SRCIN1: variants seen among roughly 807,000 people sequenced by gnomAD.
The protein encoded by SRCIN1 is SRC kinase signaling inhibitor 1.
Under a neutral mutation model 116.2 loss-of-function variants are expected in SRCIN1, and 50 were observed. The ratio of observed to expected loss-of-function variants is 0.43; its 90% CI spans 0.34 to 0.54. The LOEUF is 0.54. SRCIN1 is among the 20% of genes least tolerant of loss of function. SRCIN1 has a pLI of 0.02. For synonymous variants in SRCIN1, 736 were observed against 750.0 expected (o/e 0.98, Z 0.30); for missense variants, 1,446 against 1,672.0 (o/e 0.86, Z 2.36).
chr17:38,562,016 T>G lies in SRCIN1; in HGVS notation c.1147A>C (p.Lys383Gln). 1 of 1,493,896 alleles carries G rather than the reference T, an allele frequency of 6.7e-7. No homozygotes were observed. Among genetic ancestry groups the G allele is most frequent in the South Asian group, 1.3e-5 (1 of 79,630 alleles). 92.5% of individuals were successfully genotyped at this position (1,493,896 alleles called of 1,614,324 possible). ...DVKPDEDLAS[K>Q]AGGMVLVKGE... Reference sequence around the variant, plus strand: ...TTCACCAGCACCATGCCGCCCGCCTTGCTCGCCAGGTCCTCGTCCGGCTTC... The same window carrying G: ...TTCACCAGCACCATGCCGCCCGCCTGGCTCGCCAGGTCCTCGTCCGGCTTC... Residue 383 changes from lysine (K) to glutamine (Q), a missense_variant, in exon 7 of 19, where the codon AAG (lysine) becomes CAG (glutamine). Coordinates refer to ENST00000617146, the MANE Select transcript of SRCIN1 (RefSeq NM_025248.3). The surrounding 1 kb of genome is among the most constrained non-coding windows in gnomAD (Gnocchi z 4.2).
Position 38,551,778 on chromosome 17 carries a change from C to T in SRCIN1, c.2727+108G>A, listed in dbSNP as rs560596255. The T allele has an allele frequency of 4.4e-6, 7 of 1,584,830 alleles. No homozygotes were observed. In the African/African-American group the frequency reaches 6.7e-5, roughly 15 times the overall value. ...TCCATTAGGGCACTGGCCCTCCTCC[C>T]CCAAGGAAAAAGACCCACAGGATTG... is the stretch of plus-strand genomic sequence containing the variant. On this transcript the variant is annotated intron_variant, in intron 14 of 18. Transcript: ENST00000617146.
intron 15 of SRCIN1, 128 bp from the exon 16 acceptor site, chr17:38,549,338 C>A (rs543858032): frequency 1.4e-5 from 13 of 946,418 alleles, no homozygotes; most frequent in Non-Finnish European, 1.9e-5. Context: ...AGAGGAAAGC[C>A]TGGGGGCAAG....
chr17:38,536,536 G>A (rs1904392145), intron 18 of SRCIN1, among the ~76,000 whole-genome samples: 1 of 152,168 alleles, frequency 6.6e-6, no homozygotes, highest in Non-Finnish European at 1.5e-5. Flanking sequence ...ACCTGCTCTC[G>A]CCAGGTCCAT....
chr17:38,604,861 C>G lies in SRCIN1; in HGVS notation c.22+823G>C, dbSNP rs961343518. ...GCCGCCTGCCTTCCCTATCTTCTCA[C>G]TCACCCTAGATGCCCTCCCCAGCTG... On this transcript the variant is annotated intron_variant, in intron 1 of 18. Transcript: ENST00000617146. This position sits in a 1 kb window ranked among gnomAD's most constrained non-coding sequence, Gnocchi z 4.3. 7.3e-5 allele frequency among the ~76,000 whole-genome samples: 11 copies of G among 151,246 alleles called. No homozygotes were observed. Among genetic ancestry groups the G allele is most frequent in the African/African-American group, 2.7e-4 (11 of 41,186 alleles).
At chr17:38,584,737 G>A (rs1908023450) in intron 1 of SRCIN1, among the ~76,000 whole-genome samples, 1 of 152,122 alleles carries the variant, frequency 6.6e-6, no homozygotes, top group South Asian at 2.1e-4. Flanking sequence ...CCACCAAGCC[G>A]GTCCCCAACT....
intron 1 of SRCIN1, among the ~76,000 whole-genome samples, chr17:38,586,781 C>A (rs983919245): frequency 6.6e-6 from 1 of 152,230 alleles, no homozygotes; most frequent in Non-Finnish European, 1.5e-5. Flanking sequence ...AAACACAAAC[C>A]AATTTGTGCA....
chr17:38,589,293 G>A (rs1198081227), intron 1 of SRCIN1, among the ~76,000 whole-genome samples: 4 of 152,204 alleles, frequency 2.6e-5, no homozygotes, highest in African/African-American at 9.7e-5. Context: ...GCCCACCAGG[G>A]TGCCCCACTC....
chr17:38,568,224 T>C lies in SRCIN1; in HGVS notation c.332A>G (p.Tyr111Cys), dbSNP rs1906848002. 6.2e-7 allele frequency: 1 copy of C among 1,612,922 alleles called. No homozygotes were observed. The highest frequency in any genetic ancestry group is 8.5e-7 in the Non-Finnish European group (1 of 1,179,600). The change falls in exon 3 of 19, where the codon TAC (tyrosine) becomes TGC (cysteine). Residue 111 changes from tyrosine (Y) to cysteine (C), a missense_variant. Tyr to Cys is a radical substitution (Grantham distance 194, BLOSUM62 -2). Coordinates refer to ENST00000617146, the MANE Select transcript of SRCIN1 (RefSeq NM_025248.3). The surrounding 1 kb of genome is among the most constrained non-coding windows in gnomAD (Gnocchi z 4.5). ...TCACACACTGACCTTGAAACTCCAG[T>C]AGTTTGGCTGCTGATGGAAATAAGA... ...QQDRMREQPN[Y>C]WSFKTRSSRH...
intron 1 of SRCIN1, among the ~76,000 whole-genome samples, chr17:38,582,607 C>T (rs1024850845): frequency 6.6e-6 from 1 of 152,076 alleles, no homozygotes. Context: ...GAGCTAGATA[C>T]TAAGGGGTGG....
At chr17:38,548,182 C>G (rs1340323779) in intron 17 of SRCIN1, among the ~76,000 whole-genome samples, 1 of 151,966 alleles carries the variant, frequency 6.6e-6, no homozygotes, top group Non-Finnish European at 1.5e-5. Flanking sequence ...GCTCCGTCCT[C>G]AGAATACTCA....
chr17:38,591,926 C>T (rs1213161486), intron 1 of SRCIN1, among the ~76,000 whole-genome samples: 2 of 152,268 alleles, frequency 1.3e-5, no homozygotes, highest in Non-Finnish European at 2.9e-5. Context: ...GCCTGGAATT[C>T]TCTGGCTAGT....
At chr17:38,570,663 G>T (rs552610226) in intron 2 of SRCIN1, among the ~76,000 whole-genome samples, 1 of 152,372 alleles carries the variant, frequency 6.6e-6, no homozygotes, top group South Asian at 2.1e-4. Flanking sequence ...GTGGTCCTGG[G>T]AGGGAGATAA....
In SRCIN1 at chr17:38,561,662, G is replaced by A; in HGVS notation, c.1501C>T (p.Arg501Cys). Residue 501 changes from arginine (R) to cysteine (C), a missense_variant, in exon 7 of 19, where the codon CGC (arginine) becomes TGC (cysteine). Physicochemically the swap from Arg to Cys is radical, Grantham distance 180 (BLOSUM62 -3). Coordinates refer to ENST00000617146, the MANE Select transcript of SRCIN1 (RefSeq NM_025248.3). Reference protein sequence around the residue: ...PHSPYSGPPSRGSPVRQSFRK... With the variant: ...PHSPYSGPPSCGSPVRQSFRK... ...AAGGACTGGCGCACTGGCGAGCCGC[G>A]GCTGGGCGGCCCCGAGTAGGGGCTG... The A allele has an allele frequency of 1.3e-6, 2 of 1,558,326 alleles. No homozygotes were observed. The highest frequency in any genetic ancestry group is 1.7e-6 in the Non-Finnish European group (2 of 1,153,096).
Position 38,561,818 on chromosome 17 carries a change from C to T in SRCIN1, c.1345G>A (p.Asp449Asn). The change falls in exon 7 of 19, where the codon GAC (aspartate) becomes AAC (asparagine). Residue 449 changes from aspartate to asparagine, a missense_variant. Around this residue, in one of 5 missense-constraint regions of SRCIN1, gnomAD observed 398 missense variants for 385.6 expected, o/e 1.03. Transcript: ENST00000617146. Reference protein sequence around the residue: ...SAAALQSDLEDSLYKAAGGGG... With the variant: ...SAAALQSDLENSLYKAAGGGG... ...CCGCCCGCCGCCTTGTACAGGGAGTCCTCCAGATCGGACTGCAGCGCGGCG... is the reference window on the plus strand; with the variant it reads ...CCGCCCGCCGCCTTGTACAGGGAGTTCTCCAGATCGGACTGCAGCGCGGCG... The T allele has an allele frequency of 6.7e-7, 1 of 1,482,640 alleles. No homozygotes were observed. Among genetic ancestry groups the T allele is most frequent in the Non-Finnish European group, 8.9e-7 (1 of 1,125,230 alleles). The allele number at this position is 1,482,640 out of a possible 1,614,324, so 91.8% of individuals were successfully genotyped here.
At position 38,533,309 on chromosome 17, in the gene SRCIN1, G is replaced by T; in HGVS notation, c.3540C>A (p.Ser1180=). The part of the protein sequence containing the change: ...VLTSFGARNS[S]ISF ...GGGTGAGGGGCTTCTAGAAGGAGATGGAAGAATTCCTTGCCCCAAAGGAAG... is the reference window on the plus strand; with the variant it reads ...GGGTGAGGGGCTTCTAGAAGGAGATTGAAGAATTCCTTGCCCCAAAGGAAG... The change falls in exon 19 of 19, where the codon TCC becomes TCA. Residue 1180 remains serine, a synonymous_variant. Coordinates refer to ENST00000617146, the MANE Select transcript of SRCIN1 (RefSeq NM_025248.3). The T allele has an allele frequency of 6.4e-7, 1 of 1,566,198 alleles. No homozygotes were observed. Among genetic ancestry groups the T allele is most frequent in the Non-Finnish European group, 8.7e-7 (1 of 1,153,578 alleles).
At chr17:38,587,442 C>G (rs1167084487) in intron 1 of SRCIN1, among the ~76,000 whole-genome samples, 2 of 152,136 alleles carry the variant, frequency 1.3e-5, no homozygotes, top group Non-Finnish European at 2.9e-5. Flanking sequence ...CCCTCCTTAC[C>G]CGTCCTGTGT....
At chr17:38,538,964 T>A (rs1708021239) in intron 18 of SRCIN1, among the ~76,000 whole-genome samples, 1 of 152,194 alleles carries the variant, frequency 6.6e-6, no homozygotes, top group Non-Finnish European at 1.5e-5. Context: ...CAACAGGGTG[T>A]AAGACCCGGC....
chr17:38,582,554 C>T (rs539742129), intron 1 of SRCIN1, among the ~76,000 whole-genome samples: 1 of 152,322 alleles, frequency 6.6e-6, no homozygotes, highest in East Asian at 1.9e-4. Flanking sequence ...TCGCTCAGCC[C>T]TCAGGTGCTC....
chr17:38,559,525 GC>G (rs1460501303), intron 10 of SRCIN1, 59 bp downstream of exon 10: 2 of 1,544,716 alleles, frequency 1.3e-6, no homozygotes, highest in African/African-American at 2.7e-5. Flanking sequence ...GGGACTTGCG[GC>G]AAGGGACTTC....
Sources: gnomAD v4.1 joint callset for allele counts (sites outside exome capture counted in the v4.1 genomes callset) on GRCh38, gnomAD v4.1.1 for gene constraint, gnomAD v4.1.1 regional missense constraint, Gnocchi (gnomAD v3.1) non-coding constraint, MANE v1.5 for transcripts, NCBI Gene and HGNC (gene_info 2026-07-23, HGNC 2026-07-21) for gene names.